The following KMT2C variants were observed in gnomAD, a reference collection of about 807,000 sequenced individuals.
KMT2C encodes lysine methyltransferase 2C.
KMT2C carries 88 observed loss-of-function variants against 507.9 expected under a neutral mutation model. The observed-to-expected ratio is 0.17, with a 90% CI of 0.15 to 0.21. The LOEUF (loss-of-function observed/expected upper bound fraction) is 0.21, where lower values mean the gene tolerates loss of function less well. KMT2C is among the 10% of genes least tolerant of loss of function. The pLI, the probability that KMT2C is intolerant of heterozygous loss-of-function variation, is 1.00. For missense variants in KMT2C, 4,954 were observed against 5,957.8 expected, an observed-to-expected ratio of 0.83 and a Z score of 5.55; for synonymous variants, 2,049 against 2,080.8, an observed-to-expected ratio of 0.98 and a Z score of 0.42.
chr7:152,395,363 C>A lies in KMT2C; in HGVS notation c.162-36688G>T, dbSNP rs530866920. Among the ~76,000 whole-genome samples the A allele has an allele frequency of 3.0e-4, 45 of 151,934 alleles. 2 individuals carry two copies. In the South Asian group the frequency reaches 4.2e-3, roughly 14 times the overall value. ...CACACCTGGCTTTTCTTTCCCCCCCCCAGTTAGAGACAGTGTCTCACTATG... is the reference window on the plus strand; with the variant it reads ...CACACCTGGCTTTTCTTTCCCCCCCACAGTTAGAGACAGTGTCTCACTATG... On this transcript the variant is annotated intron_variant, in intron 1 of 58. Coordinates refer to ENST00000262189, the MANE Select transcript of KMT2C (RefSeq NM_170606.3).
chr7:152,188,479 C>T (rs927614857), intron 31 of KMT2C, among the ~76,000 whole-genome samples: 1 of 150,466 alleles, frequency 6.6e-6, no homozygotes, highest in Non-Finnish European at 1.5e-5. Flanking sequence ...TAATGAATCA[C>T]AGCAAATGCT....
At position 152,205,231 on chromosome 7, in the gene KMT2C, C is replaced by CA. The variant is rs1002481609; in HGVS notation, c.3842-7dup. 9.3e-6 allele frequency: 15 copies of CA among 1,609,074 alleles called. No homozygotes were observed. In the Admixed American group the frequency reaches 2.0e-4, roughly 22 times the overall value. Reference sequence around the variant, plus strand: ...CACCATAAATCCACCAATACCTATCCAAAAAAGAAATTAGGTAAACTGATA... The same window carrying CA: ...CACCATAAATCCACCAATACCTATCCAAAAAAAGAAATTAGGTAAACTGATA... On this transcript the variant is annotated splice_region_variant and splice_polypyrimidine_tract_variant and intron_variant, in intron 24 of 58. Coordinates refer to ENST00000262189, the MANE Select transcript of KMT2C (RefSeq NM_170606.3).
At chr7:152,341,323 G>A (rs1047749943) in intron 2 of KMT2C, among the ~76,000 whole-genome samples, 3 of 152,132 alleles carry the variant, frequency 2.0e-5, no homozygotes, top group African/African-American at 7.2e-5. Context: ...TTGTTACGTG[G>A]CAATAAGAAG....
chr7:152,381,341 T>C (rs1188110936), intron 1 of KMT2C, among the ~76,000 whole-genome samples: 2 of 145,758 alleles, frequency 1.4e-5, no homozygotes, highest in Admixed American at 1.4e-4. Flanking sequence ...ACATTTTTGG[T>C]TGTCACGGGG....
chr7:152,137,087 G>GA, intron 58 of KMT2C, 163 bp from the exon 59 acceptor site: 1 of 607,444 alleles, frequency 1.6e-6, no homozygotes, highest in Non-Finnish European at 2.9e-6. Flanking sequence ...ACCCTGAAAA[G>GA]AGGCATTGTG....
chr7:152,243,918 T>C (rs1423794605), intron 14 of KMT2C, among the ~76,000 whole-genome samples: 10 of 152,208 alleles, frequency 6.6e-5, no homozygotes, highest in South Asian at 2.1e-4. Flanking sequence ...AACTAGATCA[T>C]AGTAGTGTGA....
intron 6 of KMT2C, among the ~76,000 whole-genome samples, chr7:152,299,208 C>T (rs1649527317): frequency 6.6e-6 from 1 of 151,864 alleles, no homozygotes; most frequent in Admixed American, 6.6e-5. Context: ...ATCCCAGCTA[C>T]TCAGGAGACT....
At chr7:152,153,061 T>C (rs2091767336) in intron 48 of KMT2C, 107 bp from the exon 49 acceptor site, 1 of 1,360,830 alleles carries the variant, frequency 7.3e-7, no homozygotes, top group East Asian at 2.4e-5. Flanking sequence ...ACATAGATTC[T>C]AAGAAAATCC....
At chr7:152,193,903 AC>A in intron 31 of KMT2C, 105 bp downstream of exon 31, 1 of 947,448 alleles carries the variant, frequency 1.1e-6, no homozygotes, top group Non-Finnish European at 1.5e-6. Flanking sequence ...CAGTTTGTAT[AC>A]GTGGCTACTA....
chr7:152,170,705 G>T (rs1274340380), intron 40 of KMT2C, among the ~76,000 whole-genome samples: 1 of 152,150 alleles, frequency 6.6e-6, no homozygotes, highest in Admixed American at 6.5e-5. Flanking sequence ...GTTTCACTAC[G>T]TTGGTCAGGC....
chr7:152,168,768 C>T (rs1429731673), intron 41 of KMT2C, among the ~76,000 whole-genome samples: 2 of 152,202 alleles, frequency 1.3e-5, no homozygotes, highest in African/African-American at 4.8e-5. Context: ...GCATACCTGA[C>T]CTTTACACCA....
At chr7:152,182,953 G>A (rs752829274) in intron 35 of KMT2C, 21 bp downstream of exon 35, 3 of 1,528,850 alleles carry the variant, frequency 2.0e-6, no homozygotes, top group Non-Finnish European at 2.6e-6. Flanking sequence ...TCAAAAAGTA[G>A]ATTATCCAAA....
chr7:152,346,184 CG>C (rs1181014559), intron 2 of KMT2C, among the ~76,000 whole-genome samples: 1 of 152,144 alleles, frequency 6.6e-6, no homozygotes, highest in African/African-American at 2.4e-5. Flanking sequence ...ATAGATCTGG[CG>C]TGCAGAAAAT....
intron 6 of KMT2C, among the ~76,000 whole-genome samples, chr7:152,284,606 A>G (rs1217900102): frequency 6.6e-6 from 1 of 152,202 alleles, no homozygotes; most frequent in Non-Finnish European, 1.5e-5. Flanking sequence ...TTCAATAAAC[A>G]TTGCTAAATA....
chr7:152,415,090 C>G (rs1210105723), intron 1 of KMT2C, among the ~76,000 whole-genome samples: 1 of 152,020 alleles, frequency 6.6e-6, no homozygotes, highest in Non-Finnish European at 1.5e-5. Context: ...AAGCTATCAG[C>G]CTGCCTCAGC....
intron 9 of KMT2C, among the ~76,000 whole-genome samples, chr7:152,255,120 T>A (rs867840521): frequency 1.9e-5 from 2 of 103,006 alleles, no homozygotes; most frequent in Admixed American, 1.9e-4. Flanking sequence ...TATATATATA[T>A]ATATATATAT....
chr7:152,293,399 GTTT>G (rs2096455995), intron 6 of KMT2C, among the ~76,000 whole-genome samples: 2 of 152,076 alleles, frequency 1.3e-5, no homozygotes, highest in South Asian at 4.1e-4. Context: ...CTGTTAAAAG[GTTT>G]TTAATTTTTG....
At chr7:152,206,984 G>A (rs949992770) in intron 24 of KMT2C, among the ~76,000 whole-genome samples, 5 of 152,040 alleles carry the variant, frequency 3.3e-5, no homozygotes, top group African/African-American at 1.2e-4. Flanking sequence ...CACATCCAGA[G>A]GAACTATATA....
rs1461640748 is a variant in KMT2C at position 152,167,159 on chromosome 7, T to TTCTGAA, written c.9731_9736dup (p.Gln3245_Lys3246insIleGln). 1.2e-6 allele frequency: 2 copies of TTCTGAA among 1,614,008 alleles called. No homozygotes were observed. Among genetic ancestry groups the TTCTGAA allele is most frequent in the Non-Finnish European group, 1.7e-6 (2 of 1,179,836 alleles). On this transcript the variant is annotated inframe_insertion, in exon 42 of 59. Transcript: ENST00000262189. ...CCTATTTATTACCTGTTCTAGCTGT[T>TTCTGAA]TCTGAACCATGCTTTGCTGTTCAGT...
Sources: gnomAD v4.1 joint callset for allele counts (sites outside exome capture counted in the v4.1 genomes callset) on GRCh38, gnomAD v4.1.1 for gene constraint, MANE v1.5 for transcripts, NCBI Gene and HGNC (gene_info 2026-07-23, HGNC 2026-07-21) for gene names.